The following AVL9 variants were observed in gnomAD, a reference collection of about 807,000 sequenced individuals.
AVL9 encodes AVL9 cell migration associated, also known as late secretory pathway protein AVL9 homolog.
In AVL9, 49 loss-of-function variants were observed where a neutral mutation model predicts 79.2. The ratio of observed to expected loss-of-function variants is 0.62; its 90% CI spans 0.49 to 0.79. The LOEUF (loss-of-function observed/expected upper bound fraction) is 0.79, where lower values mean the gene tolerates loss of function less well. Ranked by LOEUF, AVL9 falls within the 30% of genes least tolerant of loss-of-function variation. The pLI is 0.00. For synonymous variants in AVL9, 299 were observed against 280.6 expected (o/e 1.07, Z -0.65); for missense variants, 682 against 776.8 (o/e 0.88, Z 1.45).
At chr7:32,502,406 A>AG (rs1554332455) in intron 1 of AVL9, among the ~76,000 whole-genome samples, 21,493 of 140,168 alleles carry the variant, frequency 0.15, 1,742 homozygotes, top group East Asian at 0.19. Context: ...AAAAAAAAAA[A>AG]AAAGAAAGAA....
At position 32,559,300 on chromosome 7, in the gene AVL9, G is replaced by T; in HGVS notation, c.1051G>T (p.Gly351Ter). The change falls in exon 10 of 16, where the codon GGA (glycine) becomes TGA (stop). Residue 351 changes from glycine to a stop codon, truncating the protein, a stop_gained. Coordinates refer to ENST00000318709, the MANE Select transcript of AVL9 (RefSeq NM_015060.3). LOFTEE classifies it high-confidence loss of function. ...DPNLKEREQL[G>*]SDQTNLFPKD... ...CAACTTGAAAGAAAGGGAACAGCTGGGATCAGACCAGACAAATTTGTTTCC... is the reference window on the plus strand; with the variant it reads ...CAACTTGAAAGAAAGGGAACAGCTGTGATCAGACCAGACAAATTTGTTTCC... 1 of 1,614,082 alleles carries T rather than the reference G, an allele frequency of 6.2e-7. No individual in the cohort carries two copies. Among genetic ancestry groups the T allele is most frequent in the South Asian group, 1.1e-5 (1 of 91,076 alleles).
At chr7:32,515,044 T>C (rs1787850085) in intron 1 of AVL9, among the ~76,000 whole-genome samples, 1 of 152,244 alleles carries the variant, frequency 6.6e-6, no homozygotes, top group Non-Finnish European at 1.5e-5. Flanking sequence ...GAGTTTCTTA[T>C]ATCTTCCTTT....
chr7:32,544,356 T>C (rs975546203), intron 2 of AVL9, among the ~76,000 whole-genome samples: 3 of 152,212 alleles, frequency 2.0e-5, no homozygotes, highest in African/African-American at 4.8e-5. Context: ...TTTCTTGTAT[T>C]CATTCAAGGT....
At chr7:32,566,333 C>G (rs974382997) in intron 10 of AVL9, among the ~76,000 whole-genome samples, 97 of 149,786 alleles carry the variant, frequency 6.5e-4, no homozygotes, top group African/African-American at 1.8e-3. Flanking sequence ...CCTGCCACCA[C>G]GCCCAGCTAA....
intron 5 of AVL9, 85 bp from the exon 6 acceptor site, chr7:32,552,144 G>T: frequency 2.4e-6 from 2 of 835,210 alleles, no homozygotes; most frequent in Non-Finnish European, 3.9e-6. Context: ...CTCAATTAAG[G>T]AATCAGCTTT....
intron 1 of AVL9, among the ~76,000 whole-genome samples, chr7:32,518,110 G>A (rs973735941): frequency 6.6e-6 from 1 of 152,156 alleles, no homozygotes; most frequent in Non-Finnish European, 1.5e-5. Context: ...GGATTTACAC[G>A]TGTGAGCCAC....
At chr7:32,521,720 G>A (rs115486827) in intron 1 of AVL9, among the ~76,000 whole-genome samples, 2,400 of 152,312 alleles carry the variant, frequency 0.016, 74 homozygotes, top group African/African-American at 0.055. Flanking sequence ...GGAGCCTAAT[G>A]TTAGTCCCCA....
chr7:32,543,142 T>C lies in AVL9; in HGVS notation c.95T>C (p.Val32Ala), dbSNP rs1789293946. ...GGCTAACATTCCTTACTATTTTAGGTTGAATTCTCTTACCCGCCCCTGATT... is the reference window on the plus strand; with the variant it reads ...GGCTAACATTCCTTACTATTTTAGGCTGAATTCTCTTACCCGCCCCTGATT... The part of the protein sequence containing the change: ...VGFHHKKGCQ[V>A]EFSYPPLIPG... The change falls in exon 2 of 16, where the codon GTT (valine) becomes GCT (alanine). Residue 32 changes from valine (V) to alanine (A), a missense_variant and splice_region_variant. By Grantham distance (64) the Val-to-Ala change is moderately conservative. Coordinates refer to ENST00000318709, the MANE Select transcript of AVL9 (RefSeq NM_015060.3). 6.2e-7 allele frequency: 1 copy of C among 1,613,806 alleles called. No homozygotes were observed. The highest frequency in any genetic ancestry group is 8.5e-7 in the Non-Finnish European group (1 of 1,179,954).
Position 32,509,631 on chromosome 7 carries a change from C to T in AVL9, c.93+13829C>T, listed in dbSNP as rs986018814. ...CTGTCTTGGCCGGGCGGGCGGATCA[C>T]TTGAGGTCAGGAGTTTGAGACCAGC... is the stretch of plus-strand genomic sequence containing the variant. On this transcript the variant is annotated intron_variant, in intron 1 of 15. Coordinates refer to ENST00000318709, the MANE Select transcript of AVL9 (RefSeq NM_015060.3). Among the ~76,000 whole-genome samples, 5 of 152,206 alleles carry T rather than the reference C, an allele frequency of 3.3e-5. No homozygotes were observed. In the East Asian group the frequency reaches 9.7e-4, roughly 30 times the overall value.
chr7:32,586,086 ACTCCCGT>A lies in AVL9; in HGVS notation c.*2185_*2191del, dbSNP rs1043597534. ...GGTATGGTTTCTGTGATCGGGGTAA[ACTCCCGT>A]CTCCCACTATTCAAAAGCAGCCCAA... On this transcript the variant is annotated 3_prime_UTR_variant, in exon 16 of 16. Transcript: ENST00000318709. 5 of 152,020 alleles carry A rather than the reference ACTCCCGT, an allele frequency of 3.3e-5. No individual in the cohort carries two copies. Among genetic ancestry groups the A allele is most frequent in the African/African-American group, 1.2e-4 (5 of 41,362 alleles). 9.4% of individuals were successfully genotyped at this position (152,020 alleles called of 1,614,324 possible).
chr7:32,579,556 A>T (rs1450530235), intron 13 of AVL9, among the ~76,000 whole-genome samples: 1 of 3,720 alleles, frequency 2.7e-4, no homozygotes, highest in African/African-American at 1.2e-3. Context: ...TATATTATAT[A>T]TTATATTATA....
chr7:32,565,559 C>CAAAAAA (rs56944092), intron 10 of AVL9, among the ~76,000 whole-genome samples: 1 of 141,098 alleles, frequency 7.1e-6, no homozygotes. Context: ...AACTCCGTCT[C>CAAAAAA]AAAAAAAAAA....
At chr7:32,510,303 G>A (rs1787605982) in intron 1 of AVL9, among the ~76,000 whole-genome samples, 1 of 151,532 alleles carries the variant, frequency 6.6e-6, no homozygotes, top group South Asian at 2.1e-4. Flanking sequence ...AGATTTGTGA[G>A]CTGTCAGGTC....
intron 10 of AVL9, among the ~76,000 whole-genome samples, chr7:32,563,306 A>C (rs1247590789): frequency 1.3e-5 from 2 of 152,298 alleles, no homozygotes; most frequent in East Asian, 3.9e-4. Flanking sequence ...TGCTGGGATT[A>C]CAGGCATGAG....
chr7:32,584,338 T>G lies in AVL9; in HGVS notation c.*431T>G, dbSNP rs1199501831. 1 of 177,522 alleles carries G rather than the reference T, an allele frequency of 5.6e-6. No individual in the cohort carries two copies. The highest frequency in any genetic ancestry group is 1.2e-5 in the Non-Finnish European group (1 of 83,010). 11.0% of individuals were successfully genotyped at this position (177,522 alleles called of 1,614,324 possible). A position where few individuals can be genotyped will look rare whatever the true frequency, so the allele number is the denominator to read the frequency against. On this transcript the variant is annotated 3_prime_UTR_variant, in exon 16 of 16. Coordinates refer to ENST00000318709, the MANE Select transcript of AVL9 (RefSeq NM_015060.3). ...TCTAAAGTTGGCCTTAAAACGTGCT[T>G]ATAAAGTGAAGGGGTCATACAGTTG...
At chr7:32,496,580 ATTAT>A (rs1786825096) in intron 1 of AVL9, among the ~76,000 whole-genome samples, 1 of 152,238 alleles carries the variant, frequency 6.6e-6, no homozygotes, top group South Asian at 2.1e-4. Context: ...TAGAAACAGG[ATTAT>A]TTAATGAGCA....
At chr7:32,519,406 C>T (rs558040704) in intron 1 of AVL9, among the ~76,000 whole-genome samples, 94 of 147,554 alleles carry the variant, frequency 6.4e-4, no homozygotes, top group African/African-American at 2.1e-3. Flanking sequence ...CCAGCTTGGG[C>T]GACAGAGCGA....
intron 3 of AVL9, among the ~76,000 whole-genome samples, chr7:32,547,916 C>T (rs997002795): frequency 2.6e-5 from 4 of 152,158 alleles, no homozygotes; most frequent in Non-Finnish European, 5.9e-5. Context: ...TTTCTTACTT[C>T]CCTCACAGCC....
intron 2 of AVL9, among the ~76,000 whole-genome samples, 165 bp from the exon 3 acceptor site, chr7:32,544,529 A>C (rs185905453): frequency 3.8e-3 from 576 of 152,312 alleles, no homozygotes; most frequent in Non-Finnish European, 6.3e-3. Context: ...AATGAGAAAA[A>C]TTCTAGGAAA....
Sources: gnomAD v4.1 joint callset for allele counts (sites outside exome capture counted in the v4.1 genomes callset) on GRCh38, gnomAD v4.1.1 for gene constraint, MANE v1.5 for transcripts, NCBI Gene and HGNC (gene_info 2026-07-23, HGNC 2026-07-21) for gene names.